The following SUPT3H variants were observed in gnomAD, a reference collection of about 807,000 sequenced individuals.
SUPT3H encodes SPT3 homolog, SAGA and STAGA complex component.
A neutral mutation model predicts 44.3 loss-of-function variants in SUPT3H; 44 were observed. The ratio of observed to expected loss-of-function variants is 0.99; its 90% CI spans 0.78 to 1.28. The LOEUF is 1.28. Ranked by LOEUF, SUPT3H falls within the 50% of genes most tolerant of loss-of-function variation. The pLI, the probability that SUPT3H is intolerant of heterozygous loss-of-function variation, is 0.00. For synonymous variants in SUPT3H, 124 were observed against 125.6 expected (o/e 0.99, Z 0.09); for missense variants, 380 against 387.1 (o/e 0.98, Z 0.15).
intron 1 of SUPT3H, among the ~76,000 whole-genome samples, chr6:45,368,824 T>C (rs1795570450): frequency 6.6e-6 from 1 of 152,128 alleles, no homozygotes; most frequent in Non-Finnish European, 1.5e-5. Flanking sequence ...TAGAAAACTT[T>C]TATAATTAGA....
intron 6 of SUPT3H, among the ~76,000 whole-genome samples, chr6:44,996,593 C>T (rs1206620967): frequency 6.6e-6 from 1 of 151,592 alleles, no homozygotes; most frequent in African/African-American, 2.4e-5. Context: ...CATACAAAAC[C>T]CTCTGAAAAT....
chr6:44,836,440 C>G (rs1020462133), intron 10 of SUPT3H, among the ~76,000 whole-genome samples: 1 of 152,040 alleles, frequency 6.6e-6, no homozygotes, highest in Non-Finnish European at 1.5e-5. Flanking sequence ...AGGTCTTCTC[C>G]GGCTGGCAGA....
At position 45,117,806 on chromosome 6, in the gene SUPT3H, A is replaced by C. The variant is rs529123391; in HGVS notation, c.102-11800T>G. Among the ~76,000 whole-genome samples the C allele has an allele frequency of 6.0e-4, 91 of 152,248 alleles. 1 individual carries two copies. Among genetic ancestry groups the C allele is most frequent in the African/African-American group, 1.8e-3 (75 of 41,578 alleles). On this transcript the variant is annotated intron_variant, in intron 2 of 10. Coordinates refer to ENST00000371459, the MANE Select transcript of SUPT3H (RefSeq NM_003599.4). Reference sequence around the variant, plus strand: ...GTTGTACTACATAATATATTCCATTAGTTTCTTCACAAAGGGCTTTCGCTT... The same window carrying C: ...GTTGTACTACATAATATATTCCATTCGTTTCTTCACAAAGGGCTTTCGCTT...
At chr6:45,238,595 C>T (rs1019239784) in intron 2 of SUPT3H, among the ~76,000 whole-genome samples, 1 of 152,176 alleles carries the variant, frequency 6.6e-6, no homozygotes. Flanking sequence ...TCTAGATTTG[C>T]TAATTTTTCC....
chr6:45,164,453 A>T (rs983319206), intron 2 of SUPT3H, among the ~76,000 whole-genome samples: 7 of 152,312 alleles, frequency 4.6e-5, no homozygotes, highest in African/African-American at 1.7e-4. Context: ...CAAGAATTAC[A>T]AAAATTGACT....
Position 45,290,826 on chromosome 6 carries a change from C to T in SUPT3H, c.101+74375G>A, listed in dbSNP as rs139375243. Among the ~76,000 whole-genome samples the T allele has an allele frequency of 2.1e-3, 324 of 152,224 alleles. 1 individual carries two copies. Among genetic ancestry groups the T allele is most frequent in the African/African-American group, 7.5e-3 (310 of 41,524 alleles). On this transcript the variant is annotated intron_variant, in intron 2 of 10. Coordinates refer to ENST00000371459, the MANE Select transcript of SUPT3H (RefSeq NM_003599.4). ...ATTGTATCACATAAGCCTATGGAGC[C>T]AGAGGCTTTTCTAGTCTCATTTCAC...
At chr6:45,206,617 G>A (rs1031127347) in intron 2 of SUPT3H, among the ~76,000 whole-genome samples, 2 of 152,066 alleles carry the variant, frequency 1.3e-5, no homozygotes, top group Non-Finnish European at 2.9e-5. Flanking sequence ...GGGGCAGGGG[G>A]TAGAAATGAA....
At chr6:45,144,694 T>C (rs779888598) in intron 2 of SUPT3H, among the ~76,000 whole-genome samples, 6 of 152,044 alleles carry the variant, frequency 3.9e-5, no homozygotes, top group Non-Finnish European at 8.8e-5. Context: ...GGCATCTGAA[T>C]TGGTAAAGAG....
At chr6:45,234,846 T>C (rs147582463) in intron 2 of SUPT3H, among the ~76,000 whole-genome samples, 16 of 152,266 alleles carry the variant, frequency 1.1e-4, no homozygotes, top group Admixed American at 2.0e-4. Context: ...TGTTCCATGG[T>C]ACAACAGATT....
chr6:44,944,303 T>G (rs528001365), intron 9 of SUPT3H, among the ~76,000 whole-genome samples: 6 of 151,710 alleles, frequency 4.0e-5, no homozygotes, highest in Non-Finnish European at 8.8e-5. Context: ...ATATATAAAT[T>G]AAAGGGAATT....
chr6:44,962,239 T>C (rs1439991310), intron 6 of SUPT3H, among the ~76,000 whole-genome samples: 5 of 152,156 alleles, frequency 3.3e-5, no homozygotes, highest in African/African-American at 1.2e-4. Context: ...ATCCATATAT[T>C]CCCTTTCAGT....
intron 10 of SUPT3H, among the ~76,000 whole-genome samples, chr6:44,855,355 G>A (rs1773550597): frequency 6.6e-6 from 1 of 152,150 alleles, no homozygotes; most frequent in African/African-American, 2.4e-5. Context: ...CAGATAAGGG[G>A]TAGCAGACAT....
At chr6:45,318,721 A>G (rs551197177) in intron 2 of SUPT3H, among the ~76,000 whole-genome samples, 11 of 152,162 alleles carry the variant, frequency 7.2e-5, no homozygotes, top group African/African-American at 2.7e-4. Context: ...TTATTTCAAA[A>G]ATATGCCATC....
At chr6:45,136,975 G>A (rs1011697079) in intron 2 of SUPT3H, among the ~76,000 whole-genome samples, 2 of 152,100 alleles carry the variant, frequency 1.3e-5, no homozygotes, top group Admixed American at 1.3e-4. Flanking sequence ...AGAGACTCAT[G>A]CCAAAAGAGA....
chr6:45,217,709 G>A (rs1373315903), intron 2 of SUPT3H, among the ~76,000 whole-genome samples: 1 of 152,026 alleles, frequency 6.6e-6, no homozygotes, highest in Non-Finnish European at 1.5e-5. Flanking sequence ...TGATCGACAT[G>A]GCAAAATCCA....
chr6:45,230,256 T>A (rs1160268589), intron 2 of SUPT3H, among the ~76,000 whole-genome samples: 3 of 152,164 alleles, frequency 2.0e-5, no homozygotes, highest in Non-Finnish European at 2.9e-5. Flanking sequence ...TGGTCTAAAG[T>A]CTAGTTTAAG....
intron 2 of SUPT3H, among the ~76,000 whole-genome samples, chr6:45,337,354 T>C (rs1444801386): frequency 1.3e-5 from 2 of 151,776 alleles, no homozygotes; most frequent in African/African-American, 2.4e-5. Flanking sequence ...TTATCAATTA[T>C]GGTGTATCTC....
At chr6:44,844,581 T>G (rs896069599) in intron 10 of SUPT3H, among the ~76,000 whole-genome samples, 12 of 152,204 alleles carry the variant, frequency 7.9e-5, no homozygotes, top group Non-Finnish European at 1.8e-4. Context: ...TATTGATATA[T>G]GCAATAACAC....
At chr6:45,023,859 A>C (rs1308583815) in intron 3 of SUPT3H, among the ~76,000 whole-genome samples, 1 of 152,154 alleles carries the variant, frequency 6.6e-6, no homozygotes, top group Non-Finnish European at 1.5e-5. Context: ...CAGTGACATG[A>C]GTTTACCTAT....
Sources: gnomAD v4.1 joint callset for allele counts (sites outside exome capture counted in the v4.1 genomes callset) on GRCh38, gnomAD v4.1.1 for gene constraint, MANE v1.5 for transcripts, NCBI Gene and HGNC (gene_info 2026-07-23, HGNC 2026-07-21) for gene names.